Variants in DIP2C observed in about 807,000 individuals in gnomAD.
DIP2C encodes the protein DIP2 acetate--CoA ligase C (putative).
In DIP2C, 33 loss-of-function variants were observed where a neutral mutation model predicts 192.4. The observed-to-expected ratio is 0.17, with a 90% CI of 0.13 to 0.23. The LOEUF is 0.23. Ranked by LOEUF, DIP2C falls within the 10% of genes least tolerant of loss-of-function variation. DIP2C has a pLI of 1.00. For synonymous variants in DIP2C, 979 were observed against 864.1 expected, an observed-to-expected ratio of 1.13 and a Z score of -2.33; for missense variants, 1,537 against 2,110.1, an observed-to-expected ratio of 0.73 and a Z score of 5.32.
intron 1 of DIP2C, among the ~76,000 whole-genome samples, chr10:579,264 C>T (rs888261025): frequency 2.0e-5 from 3 of 151,930 alleles, no homozygotes; most frequent in Non-Finnish European, 4.4e-5. Context: ...TGTGTACATG[C>T]ATACAGCATA....
At position 344,921 on chromosome 10, in the gene DIP2C, G is replaced by A. The variant is rs552374016; in HGVS notation, c.3344-3C>T. The stretch of plus-strand genomic sequence containing the variant: ...AGGCCGCTTCTTTGGCAAATCATCT[G>A]GAGAGGAACATGACTATCAGCAGAT... On this transcript the variant is annotated splice_region_variant and splice_polypyrimidine_tract_variant and intron_variant, in intron 27 of 36. Coordinates refer to ENST00000280886, the MANE Select transcript of DIP2C (RefSeq NM_014974.3). The A allele has an allele frequency of 1.2e-6, 2 of 1,605,378 alleles. No individual in the cohort carries two copies. Among genetic ancestry groups the A allele is most frequent in the Admixed American group, 1.7e-5 (1 of 58,592 alleles).
Position 413,877 on chromosome 10 carries a change from G to A in DIP2C, c.1057+36C>T, listed in dbSNP as rs749411767. ...GCGTTCGGGAGTGGCTGTGCGAGGG[G>A]GTGGGCAAAGGGCAGAGAGTGAGCC... is the stretch of plus-strand genomic sequence containing the variant. On this transcript the variant is annotated intron_variant, in intron 8 of 36. Transcript: ENST00000280886. 6.3e-6 allele frequency: 10 copies of A among 1,599,170 alleles called. No homozygotes were observed. In the African/African-American group the frequency reaches 1.1e-4, roughly 17 times the overall value.
At position 382,433 on chromosome 10, in the gene DIP2C, T is replaced by A; in HGVS notation, c.1991+214A>T. 6.1e-6 allele frequency: 3 copies of A among 489,238 alleles called. No individual in the cohort carries two copies. In the South Asian group the frequency reaches 8.7e-5, roughly 14 times the overall value. 30.3% of individuals were successfully genotyped at this position (489,238 alleles called of 1,614,324 possible). A position where few individuals can be genotyped will look rare whatever the true frequency, so the allele number is the denominator to read the frequency against. On this transcript the variant is annotated intron_variant, in intron 17 of 36. Coordinates refer to ENST00000280886, the MANE Select transcript of DIP2C (RefSeq NM_014974.3). ...ACTTATTAAGGAATTACCGTGAAAC[T>A]GCAGAGAGCGATAAATGTTTTTTAA...
intron 3 of DIP2C, among the ~76,000 whole-genome samples, chr10:457,121 T>G (rs991750874): frequency 6.6e-6 from 1 of 152,212 alleles, no homozygotes; most frequent in African/African-American, 2.4e-5. Context: ...AGGAGTTGCT[T>G]ATTTTCGGTT....
intron 9 of DIP2C, among the ~76,000 whole-genome samples, chr10:407,012 A>G (rs573203440): frequency 5.3e-5 from 8 of 152,156 alleles, no homozygotes; most frequent in African/African-American, 1.9e-4. Flanking sequence ...CCACTTCCCA[A>G]GCCCTCACCC....
rs572645642 is a variant in DIP2C, at chr10:317,541, TACTG to T, written c.3925-7453_3925-7450del. Among the ~76,000 whole-genome samples, 303 of 152,344 alleles carry T rather than the reference TACTG, an allele frequency of 2.0e-3. 1 individual carries two copies. The highest frequency in any genetic ancestry group is 7.0e-3 in the African/African-American group (292 of 41,570). On this transcript the variant is annotated intron_variant, in intron 31 of 36. Coordinates refer to ENST00000280886, the MANE Select transcript of DIP2C (RefSeq NM_014974.3). ...ACGGCACGGCTGTTTTTGTTGAACT[TACTG>T]AGTGAATGATGAACTCAGATTCTTG...
intron 1 of DIP2C, among the ~76,000 whole-genome samples, chr10:672,891 C>A (rs1015306184): frequency 2.0e-5 from 3 of 152,152 alleles, no homozygotes; most frequent in African/African-American, 7.2e-5. Flanking sequence ...CTTTTGTCAT[C>A]CATGACACAC....
intron 1 of DIP2C, among the ~76,000 whole-genome samples, chr10:518,193 T>G (rs1328967487): frequency 6.6e-6 from 1 of 152,250 alleles, no homozygotes; most frequent in Admixed American, 6.5e-5. Context: ...GGTCATGGCC[T>G]CTGCCTCTTC....
At chr10:613,643 T>C (rs970490703) in intron 1 of DIP2C, among the ~76,000 whole-genome samples, 6 of 152,192 alleles carry the variant, frequency 3.9e-5, no homozygotes, top group East Asian at 3.9e-4. Context: ...ATTAGAGCAA[T>C]TGCAGAATTT....
intron 1 of DIP2C, among the ~76,000 whole-genome samples, chr10:536,094 G>A (rs1355118351): frequency 3.9e-5 from 6 of 152,202 alleles, no homozygotes; most frequent in Admixed American, 3.3e-4. Flanking sequence ...GGAGCCAGAA[G>A]TCCACAATCA....
chr10:474,420 T>A (rs1264850316), intron 2 of DIP2C, among the ~76,000 whole-genome samples: 1 of 152,214 alleles, frequency 6.6e-6, no homozygotes, highest in African/African-American at 2.4e-5. Flanking sequence ...ACTGAAAAAC[T>A]CTTTCCCATA....
chr10:388,287 G>C (rs991922668), intron 13 of DIP2C, among the ~76,000 whole-genome samples: 1 of 152,148 alleles, frequency 6.6e-6, no homozygotes, highest in African/African-American at 2.4e-5. Flanking sequence ...TTTGGAAGAC[G>C]GGGAGGACAA....
intron 1 of DIP2C, chr10:663,007 T>A: frequency 1.4e-6 from 1 of 708,610 alleles, no homozygotes; most frequent in South Asian, 1.5e-5. Flanking sequence ...ACAAAAGGGT[T>A]TCTATGTCCA....
At chr10:677,779 G>A (rs1260364821) in intron 1 of DIP2C, among the ~76,000 whole-genome samples, 2 of 152,186 alleles carry the variant, frequency 1.3e-5, no homozygotes, top group Non-Finnish European at 2.9e-5. Context: ...CCCCAGCCTG[G>A]CCAGGTGTCC....
rs532095143 is a variant in DIP2C at position 515,944 on chromosome 10, G to A, written c.86-29414C>T. Among the ~76,000 whole-genome samples, 61 of 152,104 alleles carry A rather than the reference G, an allele frequency of 4.0e-4. 2 individuals carry two copies. Among genetic ancestry groups the A allele is most frequent in the South Asian group, 3.1e-3 (15 of 4,814 alleles). On this transcript the variant is annotated intron_variant, in intron 1 of 36. Coordinates refer to ENST00000280886, the MANE Select transcript of DIP2C (RefSeq NM_014974.3). ...CTAGCAAGATTAACAGGCCACACACGGAGAGTTTAGCTGCAGAAAGTGATG... is the reference window on the plus strand; with the variant it reads ...CTAGCAAGATTAACAGGCCACACACAGAGAGTTTAGCTGCAGAAAGTGATG...
chr10:618,515 C>G (rs565551116), intron 1 of DIP2C, among the ~76,000 whole-genome samples: 1 of 152,354 alleles, frequency 6.6e-6, no homozygotes, highest in African/African-American at 2.4e-5. Flanking sequence ...GCCCACCATG[C>G]TAAAAATACC....
chr10:346,707 G>A (rs200100414), intron 26 of DIP2C, among the ~76,000 whole-genome samples: 7 of 107,996 alleles, frequency 6.5e-5, no homozygotes, highest in South Asian at 3.1e-4. Context: ...GACACACCGC[G>A]CATAGTTCTC....
intron 1 of DIP2C, among the ~76,000 whole-genome samples, chr10:554,444 T>G (rs969812787): frequency 2.0e-5 from 3 of 152,248 alleles, no homozygotes; most frequent in African/African-American, 7.2e-5. Context: ...GGTATTAAAT[T>G]ACCACTTTCT....
At chr10:308,020 T>C (rs113446383) in intron 32 of DIP2C, among the ~76,000 whole-genome samples, 1 of 127,054 alleles carries the variant, frequency 7.9e-6, no homozygotes. Flanking sequence ...ACATGGTCCA[T>C]CTGGAGGGCA....
Sources: gnomAD v4.1 joint callset for allele counts (sites outside exome capture counted in the v4.1 genomes callset) on GRCh38, gnomAD v4.1.1 for gene constraint, MANE v1.5 for transcripts, NCBI Gene and HGNC (gene_info 2026-07-23, HGNC 2026-07-21) for gene names.